The following GDAP2 variants were observed in gnomAD, a reference collection of about 807,000 sequenced individuals.
The protein encoded by GDAP2 is ganglioside-induced differentiation-associated protein 2.
GDAP2 carries 51 observed loss-of-function variants against 67.0 expected under a neutral mutation model. That is an observed-to-expected ratio of 0.76 (90% CI 0.61 to 0.96). The LOEUF is 0.96. Ranked by LOEUF, GDAP2 falls within the 40% of genes least tolerant of loss-of-function variation. The pLI is 0.00. For missense variants in GDAP2, 547 were observed against 588.3 expected, an observed-to-expected ratio of 0.93 and a Z score of 0.73; for synonymous variants, 203 against 207.3, an observed-to-expected ratio of 0.98 and a Z score of 0.18.
chr1:117,895,245 A>AAAAT (rs759248568), intron 8 of GDAP2, among the ~76,000 whole-genome samples: 50 of 152,186 alleles, frequency 3.3e-4, no homozygotes, highest in Middle Eastern at 3.2e-3. Context: ...AAAGGCTGTT[A>AAAAT]AAATACTCCT....
chr1:117,889,351 T>C (rs1442072346), intron 8 of GDAP2, among the ~76,000 whole-genome samples: 3 of 152,126 alleles, frequency 2.0e-5, no homozygotes, highest in African/African-American at 7.2e-5. Context: ...TGTATTCTTT[T>C]ATCAATTTTC....
At chr1:117,898,497 C>T (rs1423965260) in intron 7 of GDAP2, among the ~76,000 whole-genome samples, 1 of 152,100 alleles carries the variant, frequency 6.6e-6, no homozygotes, top group African/African-American at 2.4e-5. Flanking sequence ...GACTCAGTCC[C>T]AGCACTGAAG....
intron 13 of GDAP2, among the ~76,000 whole-genome samples, chr1:117,874,201 C>G (rs948982910): frequency 6.6e-6 from 1 of 152,144 alleles, no homozygotes. Flanking sequence ...AATTTGATCC[C>G]CATGCTGGAA....
intron 8 of GDAP2, 65 bp from the exon 9 acceptor site, chr1:117,887,839 A>G: frequency 1.1e-6 from 1 of 903,732 alleles, no homozygotes; most frequent in African/African-American, 1.7e-5. Context: ...AAATGGGACC[A>G]ATTTTTAATA....
intron 8 of GDAP2, among the ~76,000 whole-genome samples, chr1:117,896,225 T>G (rs1232543025): frequency 6.6e-6 from 1 of 152,206 alleles, no homozygotes. Context: ...AGTAGACATT[T>G]ATAGTTTGTT....
At chr1:117,904,325 A>G (rs1649583472) in intron 6 of GDAP2, among the ~76,000 whole-genome samples, 1 of 152,182 alleles carries the variant, frequency 6.6e-6, no homozygotes, top group Non-Finnish European at 1.5e-5. Context: ...TCATTCAGTC[A>G]TTCAACAGGA....
At chr1:117,915,287 A>G (rs886497892) in intron 3 of GDAP2, among the ~76,000 whole-genome samples, 1 of 152,234 alleles carries the variant, frequency 6.6e-6, no homozygotes, top group African/African-American at 2.4e-5. Flanking sequence ...AGACAAATCT[A>G]GAAGGAGGAA....
At chr1:117,919,772 C>T (rs74799429) in intron 2 of GDAP2, among the ~76,000 whole-genome samples, 1,601 of 151,678 alleles carry the variant, frequency 0.011, 25 homozygotes, top group African/African-American at 0.037. Context: ...AACTTAAATC[C>T]ATCATTCTGC....
rs2101109487 is a variant in GDAP2, at chr1:117,865,592, A to T, written c.*4977T>A. ...CTGTGTGCTTACGTTAACGAAACAC[A>T]TTACAAAAAAAAAAGGTATGACTGT... On this transcript the variant is annotated 3_prime_UTR_variant, in exon 14 of 14. Transcript: ENST00000369443. 6.6e-6 allele frequency: 1 copy of T among 152,260 alleles called. No homozygotes were observed. Among genetic ancestry groups the T allele is most frequent in the Non-Finnish European group, 1.5e-5 (1 of 68,008 alleles). The allele number at this position is 152,260 out of a possible 1,614,324, so 9.4% of individuals were successfully genotyped here.
At chr1:117,923,865 T>G (rs1477272240) in intron 1 of GDAP2, among the ~76,000 whole-genome samples, 3 of 152,258 alleles carry the variant, frequency 2.0e-5, no homozygotes, top group Non-Finnish European at 4.4e-5. Flanking sequence ...ATTAGCCATT[T>G]AAGACATTTT....
chr1:117,917,173 T>G (rs1414741412), intron 3 of GDAP2, among the ~76,000 whole-genome samples: 6 of 152,204 alleles, frequency 3.9e-5, no homozygotes, highest in Admixed American at 3.9e-4. Context: ...CTCTGTTAAT[T>G]TTTTCATTTT....
intron 1 of GDAP2, among the ~76,000 whole-genome samples, chr1:117,924,683 G>C (rs1415725695): frequency 6.6e-6 from 1 of 152,104 alleles, no homozygotes; most frequent in Non-Finnish European, 1.5e-5. Context: ...AGGCCTTGTA[G>C]GTTAAACAAT....
At chr1:117,921,703 A>G (rs1650261280) in intron 1 of GDAP2, among the ~76,000 whole-genome samples, 1 of 152,202 alleles carries the variant, frequency 6.6e-6, no homozygotes, top group African/African-American at 2.4e-5. Context: ...AATATGAGGG[A>G]TGCTATTAGA....
At chr1:117,910,052 A>G (rs529621281) in intron 5 of GDAP2, among the ~76,000 whole-genome samples, 42 of 152,356 alleles carry the variant, frequency 2.8e-4, no homozygotes, top group Non-Finnish European at 4.9e-4. Context: ...GAGCAATTAT[A>G]TCAAGGGAGG....
intron 4 of GDAP2, 84 bp downstream of exon 4, chr1:117,912,446 T>TGGAAAGA: frequency 8.0e-7 from 1 of 1,245,910 alleles, no homozygotes; most frequent in Non-Finnish European, 1.1e-6. Context: ...TTTTTAATCT[T>TGGAAAGA]TAAAAACTGG....
intron 13 of GDAP2, among the ~76,000 whole-genome samples, chr1:117,872,586 A>G (rs1648327839): frequency 6.6e-6 from 1 of 151,560 alleles, no homozygotes; most frequent in Admixed American, 6.6e-5. Flanking sequence ...AAACTAATGC[A>G]GGAACAGAAA....
intron 1 of GDAP2, among the ~76,000 whole-genome samples, chr1:117,925,592 G>A (rs1297238548): frequency 6.6e-6 from 1 of 152,144 alleles, no homozygotes; most frequent in African/African-American, 2.4e-5. Context: ...AGTTTCTTTA[G>A]TATTTTAAGG....
chr1:117,888,784 A>G (rs117919166), intron 8 of GDAP2, among the ~76,000 whole-genome samples: 2,031 of 152,238 alleles, frequency 0.013, 37 homozygotes, highest in South Asian at 0.094. Context: ...AACTTACTAA[A>G]GTCATTTACC....
chr1:117,877,533 T>C lies in GDAP2; in HGVS notation c.1446+476A>G, dbSNP rs904491949. On this transcript the variant is annotated intron_variant, in intron 13 of 13. Transcript: ENST00000369443. Reference sequence around the variant, plus strand: ...ACGCATCTATAAATAACAACAATAATATTATCAGATGATGCTCTTAAAAAC... The same window carrying C: ...ACGCATCTATAAATAACAACAATAACATTATCAGATGATGCTCTTAAAAAC... The C allele has an allele frequency of 6.2e-6, 6 of 974,940 alleles. No homozygotes were observed. The African/African-American group carries it at 1.1e-4, about 17-fold the overall frequency. The allele number at this position is 974,940 out of a possible 1,614,324, so 60.4% of individuals were successfully genotyped here.
Sources: gnomAD v4.1 joint callset for allele counts (sites outside exome capture counted in the v4.1 genomes callset) on GRCh38, gnomAD v4.1.1 for gene constraint, MANE v1.5 for transcripts, NCBI Gene and HGNC (gene_info 2026-07-23, HGNC 2026-07-21) for gene names.